PADI2: variants seen among roughly 807,000 people sequenced by gnomAD.
PADI2 encodes protein-arginine deiminase type-2.
A neutral mutation model predicts 81.1 loss-of-function variants in PADI2; 70 were observed. That is an observed-to-expected ratio of 0.86 (90% CI 0.71 to 1.05). The LOEUF is 1.05. Ranked by LOEUF, PADI2 falls within the 50% of genes least tolerant of loss-of-function variation. The pLI is 0.00. For synonymous variants in PADI2, 338 were observed against 358.0 expected (o/e 0.94, Z 0.63); for missense variants, 853 against 889.9 (o/e 0.96, Z 0.53).
chr1:17,105,499 G>C (rs1156938273), intron 1 of PADI2, among the ~76,000 whole-genome samples: 1 of 151,996 alleles, frequency 6.6e-6, no homozygotes, highest in Admixed American at 6.5e-5. Context: ...AGGTTCAAGC[G>C]ATTCTCCTGC....
Position 17,083,745 on chromosome 1 carries a change from C to T in PADI2, c.1031G>A (p.Arg344Gln), listed in dbSNP as rs752305032. 8.1e-6 allele frequency: 13 copies of T among 1,612,598 alleles called. No individual in the cohort carries two copies. Among genetic ancestry groups the T allele is most frequent in the African/African-American group, 4.0e-5 (3 of 74,898 alleles). ...ELKVCFQYLN[R>Q]GDRWIQDEIE... Reference sequence around the variant, plus strand: ...CCTTACCTGGATCCAGCGATCGCCTCGGTTTAGGTACTGGAAGCAGACCTT... The same window carrying T: ...CCTTACCTGGATCCAGCGATCGCCTTGGTTTAGGTACTGGAAGCAGACCTT... Residue 344 changes from arginine (R) to glutamine (Q), a missense_variant, in exon 9 of 16, where the codon CGA becomes CAA. By Grantham distance (43) the Arg-to-Gln change is conservative. Transcript: ENST00000375486.
chr1:17,101,393 G>A lies in PADI2; in HGVS notation c.349+1594C>T, dbSNP rs1056345681. Reference sequence around the variant, plus strand: ...TCAGGCCCCTGCCCTTCCTGCCCCCGTCCTCAGGTGTCCCTATCTTGGTGG... The same window carrying A: ...TCAGGCCCCTGCCCTTCCTGCCCCCATCCTCAGGTGTCCCTATCTTGGTGG... On this transcript the variant is annotated intron_variant, in intron 3 of 15. Transcript: ENST00000375486. Among the ~76,000 whole-genome samples, 111 of 152,020 alleles carry A rather than the reference G, an allele frequency of 7.3e-4. 1 individual carries two copies. The highest frequency in any genetic ancestry group is 2.6e-3 in the African/African-American group (108 of 41,390).
At chr1:17,090,581 T>TTGTGTGTTTG (rs1930652846) in intron 6 of PADI2, among the ~76,000 whole-genome samples, 1 of 142,740 alleles carries the variant, frequency 7.0e-6, no homozygotes, top group African/African-American at 2.6e-5. Context: ...CGTCCTTTGC[T>TTGTGTGTTTG]TGTGTGTGTG....
intron 3 of PADI2, 58 bp downstream of exon 3, chr1:17,102,929 A>G (rs1931199068): frequency 2.3e-6 from 3 of 1,313,916 alleles, no homozygotes; most frequent in Non-Finnish European, 3.3e-6. Flanking sequence ...CCAGAGAAGG[A>G]CAACAGTGCC....
At chr1:17,099,671 C>A (rs965188070) in intron 3 of PADI2, among the ~76,000 whole-genome samples, 1 of 152,174 alleles carries the variant, frequency 6.6e-6, no homozygotes, top group Admixed American at 6.6e-5. Flanking sequence ...CCATACATTT[C>A]TTTAACTTCA....
intron 1 of PADI2, among the ~76,000 whole-genome samples, chr1:17,117,792 G>C (rs552523796): frequency 6.6e-6 from 1 of 152,370 alleles, no homozygotes; most frequent in East Asian, 1.9e-4. Flanking sequence ...CTGAGGCTTA[G>C]AGACCTGAGC....
At position 17,076,813 on chromosome 1, in the gene PADI2, G is replaced by A. The variant is rs1183644119; in HGVS notation, c.1311-990C>T. Among the ~76,000 whole-genome samples, 9 of 151,800 alleles carry A rather than the reference G, an allele frequency of 5.9e-5. No homozygotes were observed. In the South Asian group the frequency reaches 8.4e-4, roughly 14 times the overall value. ...AGGATGGTCTCGATCTCTTGACTTCGTGATCTGCCCACCTCAGCTTTCCAA... is the reference window on the plus strand; with the variant it reads ...AGGATGGTCTCGATCTCTTGACTTCATGATCTGCCCACCTCAGCTTTCCAA... On this transcript the variant is annotated intron_variant, in intron 11 of 15. Coordinates refer to ENST00000375486, the MANE Select transcript of PADI2 (RefSeq NM_007365.3).
At chr1:17,098,572 T>C (rs2746506) in intron 3 of PADI2, among the ~76,000 whole-genome samples, 7,228 of 152,336 alleles carry the variant, frequency 0.047, 544 homozygotes, top group African/African-American at 0.16. Flanking sequence ...ACCTCTCTCA[T>C]GCTTATTGCG....
chr1:17,072,606 G>A (rs995559149), intron 13 of PADI2, among the ~76,000 whole-genome samples: 2 of 152,110 alleles, frequency 1.3e-5, no homozygotes, highest in Admixed American at 6.6e-5. Flanking sequence ...GCACATCCGC[G>A]CATCCTCTCT....
At position 17,086,523 on chromosome 1, in the gene PADI2, G is replaced by A. The variant is rs1930434629; in HGVS notation, c.832C>T (p.Gln278Ter). 1 of 1,612,282 alleles carries A rather than the reference G, an allele frequency of 6.2e-7. No homozygotes were observed. The highest frequency in any genetic ancestry group is 8.5e-7 in the Non-Finnish European group (1 of 1,179,156). Residue 278 changes from glutamine (Q) to a stop codon, truncating the protein, a stop_gained and splice_region_variant, in exon 7 of 16, where the codon CAG becomes TAG. Coordinates refer to ENST00000375486, the MANE Select transcript of PADI2 (RefSeq NM_007365.3). LOFTEE classifies it high-confidence loss of function. ...IHVSLLEYMA[Q>*]DIPLTPIFTD... ...TGGTGGAGGCCTGGAGCCCTCACCT[G>A]GGCCATGTACTCCAGCAGGCTGACA...
intron 10 of PADI2, among the ~76,000 whole-genome samples, chr1:17,080,592 G>C (rs74716765): frequency 1.8e-3 from 272 of 152,326 alleles, no homozygotes; most frequent in African/African-American, 6.3e-3. Flanking sequence ...ACATGCAAAA[G>C]TGGCAGCTAT....
intron 10 of PADI2, among the ~76,000 whole-genome samples, chr1:17,080,834 A>G (rs2078338911): frequency 1.3e-5 from 2 of 152,182 alleles, no homozygotes; most frequent in Admixed American, 1.3e-4. Context: ...GCCTTACAAA[A>G]TCCAGTGGAG....
chr1:17,096,471 C>T (rs1448115657), intron 3 of PADI2, among the ~76,000 whole-genome samples: 1 of 152,264 alleles, frequency 6.6e-6, no homozygotes, highest in Non-Finnish European at 1.5e-5. Context: ...CCTGGGTGTG[C>T]GTGTCTCTTT....
chr1:17,067,590 G>C lies in PADI2; in HGVS notation c.*1454C>G, dbSNP rs2078232058. On this transcript the variant is annotated 3_prime_UTR_variant, in exon 16 of 16. Coordinates refer to ENST00000375486, the MANE Select transcript of PADI2 (RefSeq NM_007365.3). ...AGAGCGCATCACTGAAGGGGCAGAG[G>C]CTGGCCTTTAAATGTGGGCTTTGCA... 1 of 152,268 alleles carries C rather than the reference G, an allele frequency of 6.6e-6. No individual in the cohort carries two copies. The highest frequency in any genetic ancestry group is 2.1e-4 in the South Asian group (1 of 4,836). 9.4% of individuals were successfully genotyped at this position (152,268 alleles called of 1,614,324 possible).
At position 17,119,422 on chromosome 1, in the gene PADI2, C is replaced by A; in HGVS notation, c.-51G>T. 1 of 1,383,936 alleles carries A rather than the reference C, an allele frequency of 7.2e-7. No homozygotes were observed. The highest frequency in any genetic ancestry group is 9.8e-7 in the Non-Finnish European group (1 of 1,020,644). The allele number at this position is 1,383,936 out of a possible 1,614,324, so 85.7% of individuals were successfully genotyped here. A position where few individuals can be genotyped will look rare whatever the true frequency, so the allele number is the denominator to read the frequency against. On this transcript the variant is annotated 5_prime_UTR_variant, in exon 1 of 16. In the 5' UTR this introduces an upstream ATG that the reference lacks. Transcript: ENST00000375486. The surrounding 1 kb of genome is among the most constrained non-coding windows in gnomAD (Gnocchi z 4.8). Reference sequence around the variant, plus strand: ...GCTGGTCCGGGGCGGCCGGGAGCACCTGCAGCAGGTGCGCCTTCTCCAGCA... The same window carrying A: ...GCTGGTCCGGGGCGGCCGGGAGCACATGCAGCAGGTGCGCCTTCTCCAGCA...
rs377299933 is a variant in PADI2, at chr1:17,079,299, C to A, written c.1275G>T (p.Pro425=). 2.5e-6 allele frequency: 4 copies of A among 1,614,004 alleles called. No homozygotes were observed. The highest frequency in any genetic ancestry group is 2.5e-6 in the Non-Finnish European group (3 of 1,179,938). The change falls in exon 11 of 16, where the codon CCG becomes CCT. Residue 425 remains proline (P), a synonymous_variant. Transcript: ENST00000375486. ...PPVTVNGKTY[P]LGRILIGSSF... ...TGCTCCCGATGAGGATGCGGCCAAG[C>A]GGGTATGTCTTGCCGTTCACGGTCA...
chr1:17,082,585 C>T lies in PADI2; in HGVS notation c.1118G>A (p.Arg373Gln), dbSNP rs144164383. 32 of 1,613,508 alleles carry T rather than the reference C, an allele frequency of 2.0e-5. No individual in the cohort carries two copies. The highest frequency in any genetic ancestry group is 2.0e-4 in the South Asian group (18 of 91,046). ...KGFPVVLDSP[R>Q]DGNLKDFPVK... Reference sequence around the variant, plus strand: ...AGGGAAGTCCTTTAGGTTTCCATCTCGGGGAGAGTCCAGCACCACGGGGAA... The same window carrying T: ...AGGGAAGTCCTTTAGGTTTCCATCTTGGGGAGAGTCCAGCACCACGGGGAA... Residue 373 changes from arginine to glutamine, a missense_variant, in exon 10 of 16, where the codon CGA becomes CAA. By Grantham distance (43) the Arg-to-Gln change is conservative (BLOSUM62 1). Transcript: ENST00000375486.
chr1:17,089,889 G>C (rs950415594), intron 6 of PADI2, among the ~76,000 whole-genome samples: 3 of 152,040 alleles, frequency 2.0e-5, no homozygotes, highest in African/African-American at 7.2e-5. Flanking sequence ...AACCTTTCTA[G>C]CTACTTTGGA....
chr1:17,071,468 G>A lies in PADI2; in HGVS notation c.1573C>T (p.Arg525Ter), dbSNP rs1355888062. 33 of 1,613,830 alleles carry A rather than the reference G, an allele frequency of 2.0e-5. No individual in the cohort carries two copies. Among genetic ancestry groups the A allele is most frequent in the Non-Finnish European group, 2.5e-5 (30 of 1,179,846 alleles). Residue 525 changes from arginine (R) to a stop codon, truncating the protein, a stop_gained, in exon 14 of 16, where the codon CGA becomes TGA. Transcript: ENST00000375486. LOFTEE classifies it high-confidence loss of function. Reference sequence around the variant, plus strand: ...GACAGAATCTTGTTGATGGTGATTCGCTTGCTGCTCATCCCACCCAAGCCT... The same window carrying A: ...GACAGAATCTTGTTGATGGTGATTCACTTGCTGCTCATCCCACCCAAGCCT... ...FKGLGGMSSK[R>*]ITINKILSNE...
Sources: allele counts gnomAD v4.1 joint callset (sites outside exome capture counted in the v4.1 genomes callset), GRCh38; gene constraint gnomAD v4.1.1; non-coding constraint Gnocchi (gnomAD v3.1); transcripts MANE v1.5; gene names NCBI Gene and HGNC (gene_info 2026-07-23, HGNC 2026-07-21).